Variants in SETD2 observed in about 807,000 individuals in gnomAD.
SETD2 encodes the protein histone-lysine N-methyltransferase SETD2.
Under a neutral mutation model 242.1 loss-of-function variants are expected in SETD2, and 31 were observed. The observed-to-expected ratio is 0.13, with a 90% CI of 0.10 to 0.17. SETD2 has a LOEUF of 0.17. SETD2 is among the 10% of genes least tolerant of loss of function. SETD2 has a pLI of 1.00. For synonymous variants in SETD2, 1,006 were observed against 1,066.5 expected, an observed-to-expected ratio of 0.94 and a Z score of 1.11; for missense variants, 2,481 against 3,046.3, an observed-to-expected ratio of 0.81 and a Z score of 4.37.
chr3:47,088,920 G>C (rs901673752), intron 9 of SETD2, among the ~76,000 whole-genome samples: 5 of 152,072 alleles, frequency 3.3e-5, no homozygotes, highest in Admixed American at 6.6e-5. Context: ...GCAAAAAATT[G>C]CCAACAACCC....
At chr3:47,088,764 GA>G (rs1223669244) in intron 9 of SETD2, among the ~76,000 whole-genome samples, 1 of 151,972 alleles carries the variant, frequency 6.6e-6, no homozygotes, top group East Asian at 1.9e-4. Flanking sequence ...GGGTGCTTCA[GA>G]AAAAAATAAA....
intron 12 of SETD2, among the ~76,000 whole-genome samples, chr3:47,081,320 G>T (rs927495083): frequency 9.9e-5 from 15 of 152,158 alleles, no homozygotes; most frequent in African/African-American, 3.6e-4. Flanking sequence ...ATGTTATGGT[G>T]GCCCCCGGTT....
At chr3:47,071,234 G>A (rs1285523105) in intron 12 of SETD2, among the ~76,000 whole-genome samples, 2 of 152,086 alleles carry the variant, frequency 1.3e-5, no homozygotes, top group Non-Finnish European at 2.9e-5. Context: ...TTTACATATT[G>A]TCCTCTTATT....
intron 15 of SETD2, chr3:47,047,108 A>G (rs530991842): frequency 6.6e-6 from 1 of 152,492 alleles, no homozygotes; most frequent in African/African-American, 2.4e-5. Context: ...AAGATGATCA[A>G]ATTTTAAGCT....
At chr3:47,101,400 T>C in intron 8 of SETD2, 58 bp downstream of exon 8, 1 of 874,440 alleles carries the variant, frequency 1.1e-6, no homozygotes, top group Non-Finnish European at 1.8e-6. Context: ...TATATCCTTA[T>C]ATCTGAACAG....
In SETD2 at chr3:47,121,861, C is replaced by A. The variant is rs771644851; in HGVS notation, c.2775G>T (p.Gly925=). 6 of 1,614,054 alleles carry A rather than the reference C, an allele frequency of 3.7e-6. No homozygotes were observed. Among genetic ancestry groups the A allele is most frequent in the Non-Finnish European group, 5.1e-6 (6 of 1,180,014 alleles). ...TACCTACTTCTACTATTGTTTCTTT[C>A]CCTGCATGCTTTAAAAACTCTGAAC... ...KKSSEFLKHA[G]KETIVEVGSD... Residue 925 remains glycine, a synonymous_variant, in exon 3 of 21, where the codon GGG becomes GGT. Coordinates refer to ENST00000409792, the MANE Select transcript of SETD2 (RefSeq NM_014159.7).
At chr3:47,155,272 G>A (rs2044101237) in intron 1 of SETD2, among the ~76,000 whole-genome samples, 2 of 152,060 alleles carry the variant, frequency 1.3e-5, no homozygotes, top group Admixed American at 1.3e-4. Flanking sequence ...ACTGTATATT[G>A]ATTATCTAAG....
chr3:47,124,591 T>G, intron 2 of SETD2, 43 bp from the exon 3 acceptor site: 1 of 1,473,070 alleles, frequency 6.8e-7, no homozygotes, highest in Non-Finnish European at 9.1e-7. Flanking sequence ...CAATAAATAG[T>G]TACTTTCAAA....
chr3:47,132,793 T>G (rs1324996324), intron 1 of SETD2, among the ~76,000 whole-genome samples: 1 of 152,224 alleles, frequency 6.6e-6, no homozygotes, highest in Non-Finnish European at 1.5e-5. Context: ...TTGAGTGTAG[T>G]ATAGGCCTCA....
At chr3:47,126,873 C>T (rs2043345023) in intron 1 of SETD2, among the ~76,000 whole-genome samples, 1 of 152,132 alleles carries the variant, frequency 6.6e-6, no homozygotes, top group African/African-American at 2.4e-5. Flanking sequence ...GTGCTAAGGG[C>T]TGGAGACCAA....
chr3:47,117,032 T>C (rs2042881412), intron 3 of SETD2, among the ~76,000 whole-genome samples: 1 of 151,892 alleles, frequency 6.6e-6, no homozygotes, highest in South Asian at 2.1e-4. Context: ...TGTTTGTTTG[T>C]TCTTTAATAT....
At chr3:47,088,041 TTCTTCATTCA>T (rs2041640096) in intron 10 of SETD2, 62 bp downstream of exon 10, 3 of 1,416,570 alleles carry the variant, frequency 2.1e-6, no homozygotes, top group Non-Finnish European at 1.9e-6. Context: ...GAATTATTCC[TTCTTCATTCA>T]TCTTCATTCA....
rs774671060 is a variant in SETD2 at position 47,097,975 on chromosome 3, G to T, written c.5122C>A (p.Arg1708=). The change falls in exon 9 of 21, where the codon CGA becomes AGA. Residue 1708 remains arginine (R), a synonymous_variant. Coordinates refer to ENST00000409792, the MANE Select transcript of SETD2 (RefSeq NM_014159.7). ...RAAGGKMKKE[R]SRKKDSVDGE... ...CTTACTGAATCCTTCTTACGAGATC[G>T]TTCCTTCTTCATTTTCCCTCCTGCT... 17 of 1,613,474 alleles carry T rather than the reference G, an allele frequency of 1.1e-5. No homozygotes were observed. Among genetic ancestry groups the T allele is most frequent in the Non-Finnish European group, 1.4e-5 (16 of 1,179,746 alleles).
chr3:47,112,752 T>C (rs559053267), intron 5 of SETD2, among the ~76,000 whole-genome samples: 1 of 150,178 alleles, frequency 6.7e-6, no homozygotes, highest in Non-Finnish European at 1.5e-5. Flanking sequence ...ACCACACCCA[T>C]CTAATTTTTG....
chr3:47,156,465 T>A (rs907350551), intron 1 of SETD2, among the ~76,000 whole-genome samples: 1 of 152,160 alleles, frequency 6.6e-6, no homozygotes, highest in Non-Finnish European at 1.5e-5. Flanking sequence ...TGCTTGATAC[T>A]TTTCTAAAGA....
rs143083979 is a variant in SETD2 at position 47,057,180 on chromosome 3, G to A, written c.6604C>T (p.Pro2202Ser). ...PSMDPVCSPA[P>S]YDHAQPLVGH... ...ACCAAGGGCTGAGCATGATCATAAG[G>A]AGCAGGAGAACACACTGGGTCCATG... is the stretch of plus-strand genomic sequence containing the variant. Residue 2202 changes from proline to serine, a missense_variant, in exon 15 of 21, where the codon CCT (proline) becomes TCT (serine). Transcript: ENST00000409792. 1.2e-6 allele frequency: 2 copies of A among 1,614,208 alleles called. No homozygotes were observed. Among genetic ancestry groups the A allele is most frequent in the Middle Eastern group, 1.6e-4 (1 of 6,062 alleles).
intron 1 of SETD2, among the ~76,000 whole-genome samples, chr3:47,153,458 C>T (rs2044046630): frequency 6.6e-6 from 1 of 152,186 alleles, no homozygotes; most frequent in Non-Finnish European, 1.5e-5. Flanking sequence ...AAGAGACTCC[C>T]CACTTAAGGC....
intron 1 of SETD2, among the ~76,000 whole-genome samples, chr3:47,156,306 C>T (rs953221018): frequency 1.3e-5 from 2 of 152,088 alleles, no homozygotes; most frequent in African/African-American, 4.8e-5. Context: ...CAACGAGTCA[C>T]TACAGTGAAA....
intron 1 of SETD2, among the ~76,000 whole-genome samples, chr3:47,136,584 A>G (rs1351107408): frequency 6.6e-6 from 1 of 152,224 alleles, no homozygotes; most frequent in Non-Finnish European, 1.5e-5. Flanking sequence ...GGAGCTAAAC[A>G]ATGGGTACAC....
Sources: allele counts gnomAD v4.1 joint callset (sites outside exome capture counted in the v4.1 genomes callset), GRCh38; gene constraint gnomAD v4.1.1; transcripts MANE v1.5; gene names NCBI Gene and HGNC (gene_info 2026-07-23, HGNC 2026-07-21).